Variants in NAP1L1 observed in about 807,000 individuals in gnomAD.
The protein encoded by NAP1L1 is nucleosome assembly protein 1-like 1.
A neutral mutation model predicts 58.9 loss-of-function variants in NAP1L1; 9 were observed. The ratio of observed to expected loss-of-function variants is 0.15; its 90% CI spans 0.09 to 0.27. NAP1L1 has a LOEUF of 0.27. Ranked by LOEUF, NAP1L1 falls within the 10% of genes least tolerant of loss-of-function variation. The pLI, the probability that NAP1L1 is intolerant of heterozygous loss-of-function variation, is 1.00. For missense variants in NAP1L1, 302 were observed against 458.8 expected, an observed-to-expected ratio of 0.66 and a Z score of 3.12; for synonymous variants, 130 against 138.3, an observed-to-expected ratio of 0.94 and a Z score of 0.42.
intron 1 of NAP1L1, among the ~76,000 whole-genome samples, chr12:76,080,674 T>C (rs1250476277): frequency 1.3e-5 from 2 of 152,204 alleles, no homozygotes; most frequent in African/African-American, 2.4e-5. Flanking sequence ...ATAACTGCTA[T>C]ACAGCTTTTC....
At chr12:76,057,267 G>A (rs1427807995) in intron 6 of NAP1L1, 7 of 295,018 alleles carry the variant, frequency 2.4e-5, no homozygotes, top group Admixed American at 8.8e-5. Context: ...TCCAGCCTGG[G>A]CAACACAGCA....
chr12:76,069,233 T>C (rs1049219530), intron 2 of NAP1L1, among the ~76,000 whole-genome samples: 1 of 152,172 alleles, frequency 6.6e-6, no homozygotes, highest in Non-Finnish European at 1.5e-5. Context: ...CTTTATAAAA[T>C]TGGTTTTGCA....
chr12:76,071,956 C>T (rs1047450281), intron 2 of NAP1L1, among the ~76,000 whole-genome samples: 2 of 43,508 alleles, frequency 4.6e-5, no homozygotes, highest in African/African-American at 1.4e-4. Flanking sequence ...ATCTGACTAG[C>T]CCAGAAAAAA....
chr12:76,070,566 A>G (rs183451790), intron 2 of NAP1L1, among the ~76,000 whole-genome samples: 1 of 152,300 alleles, frequency 6.6e-6, no homozygotes, highest in Non-Finnish European at 1.5e-5. Flanking sequence ...CTGTCCACAA[A>G]CTATGCCCAT....
Position 76,041,310 on chromosome 12 carries a change from G to T in NAP1L1, c.*7119C>A, listed in dbSNP as rs943355253. ...TGGAAATTAGGAAACTCATTAATAA[G>T]CAAGTGTTTCTAGAGTATTTTGAAC... On this transcript the variant is annotated 3_prime_UTR_variant, in exon 15 of 15. Coordinates refer to ENST00000618691, the MANE Select transcript of NAP1L1 (RefSeq NM_004537.7). 2 of 152,162 alleles carry T rather than the reference G, an allele frequency of 1.3e-5. No homozygotes were observed. Among genetic ancestry groups the T allele is most frequent in the Non-Finnish European group, 2.9e-5 (2 of 68,054 alleles). The allele number at this position is 152,162 out of a possible 1,614,324, so 9.4% of individuals were successfully genotyped here.
At chr12:76,064,960 A>G (rs2137038199) in intron 4 of NAP1L1, among the ~76,000 whole-genome samples, 1 of 152,248 alleles carries the variant, frequency 6.6e-6, no homozygotes, top group East Asian at 1.9e-4. Flanking sequence ...TCCTTAGGCA[A>G]TTGAAATCTT....
chr12:76,062,049 C>A (rs1182433607), intron 4 of NAP1L1, among the ~76,000 whole-genome samples: 1 of 152,140 alleles, frequency 6.6e-6, no homozygotes, highest in South Asian at 2.1e-4. Flanking sequence ...GGTAGCAGTG[C>A]GGACAAACTG....
At chr12:76,074,070 G>C (rs937685518) in intron 2 of NAP1L1, 133 bp downstream of exon 2, 33 of 768,728 alleles carry the variant, frequency 4.3e-5, no homozygotes, top group Non-Finnish European at 6.9e-5. Context: ...CACTGCACTA[G>C]ACTTTTGTAA....
Position 76,037,657 on chromosome 12 carries a change from A to T in NAP1L1, c.*10772T>A, listed in dbSNP as rs1458870653. 6.6e-6 allele frequency: 1 copy of T among 152,236 alleles called. No homozygotes were observed. The highest frequency in any genetic ancestry group is 2.4e-5 in the African/African-American group (1 of 41,458). The allele number at this position is 152,236 out of a possible 1,614,324, so 9.4% of individuals were successfully genotyped here. A position where few individuals can be genotyped will look rare whatever the true frequency, so the allele number is the denominator to read the frequency against. ...TCAACCTTGAGCGAGTGCCAGTCAT[A>T]CATCTCCTTGTCCTCGCAGCCTCCA... On this transcript the variant is annotated 3_prime_UTR_variant, in exon 15 of 15. Transcript: ENST00000618691.
rs1355763625 is a variant in NAP1L1, at chr12:76,068,777, C to CACACACA, written c.103+131_103+132insTGTGTGT. 6.2e-6 allele frequency: 4 copies of CACACACA among 646,584 alleles called. No homozygotes were observed. The Admixed American group carries it at 9.7e-5, about 16-fold the overall frequency. The allele number at this position is 646,584 out of a possible 1,614,324, so 40.1% of individuals were successfully genotyped here. ...ACACACACACACACACACACACACA[C>CACACACA]ACTAGAAGTATGGACCAGTAGATAA... On this transcript the variant is annotated intron_variant, in intron 3 of 14. Transcript: ENST00000618691.
chr12:76,050,121 T>C (rs892831054), intron 12 of NAP1L1, among the ~76,000 whole-genome samples: 1 of 152,170 alleles, frequency 6.6e-6, no homozygotes, highest in Non-Finnish European at 1.5e-5. Flanking sequence ...GCAATAAACA[T>C]ATTCAAAACA....
chr12:76,075,259 T>C (rs547897757), intron 1 of NAP1L1, among the ~76,000 whole-genome samples: 96 of 152,230 alleles, frequency 6.3e-4, no homozygotes, highest in African/African-American at 2.2e-3. Context: ...GGAAGATCTT[T>C]TGAGCACAGG....
At chr12:76,069,207 G>A (rs1191630080) in intron 2 of NAP1L1, among the ~76,000 whole-genome samples, 2 of 152,202 alleles carry the variant, frequency 1.3e-5, no homozygotes, top group Non-Finnish European at 2.9e-5. Context: ...CAAATGTAAA[G>A]TTTATACTTT....
chr12:76,073,193 G>T (rs1950037149), intron 2 of NAP1L1, among the ~76,000 whole-genome samples: 1 of 151,904 alleles, frequency 6.6e-6, no homozygotes, highest in Non-Finnish European at 1.5e-5. Context: ...GCGTAAGAGT[G>T]GCCCAAATTC....
chr12:76,081,999 A>C (rs1222061417), intron 1 of NAP1L1, among the ~76,000 whole-genome samples: 1 of 152,206 alleles, frequency 6.6e-6, no homozygotes, highest in Non-Finnish European at 1.5e-5. Flanking sequence ...ATGACATAAG[A>C]TACATGTCCA....
intron 4 of NAP1L1, among the ~76,000 whole-genome samples, chr12:76,066,842 A>G (rs1271604933): frequency 6.6e-6 from 1 of 152,164 alleles, no homozygotes; most frequent in African/African-American, 2.4e-5. Flanking sequence ...ATGTACAAAG[A>G]TGTCTATAAC....
chr12:76,055,327 G>A (rs996366740), intron 7 of NAP1L1, among the ~76,000 whole-genome samples: 1 of 152,150 alleles, frequency 6.6e-6, no homozygotes, highest in African/African-American at 2.4e-5. Flanking sequence ...TTATTATATA[G>A]GTTGAAAAAT....
intron 11 of NAP1L1, among the ~76,000 whole-genome samples, chr12:76,050,895 TG>T (rs761651741): frequency 1.3e-5 from 2 of 151,316 alleles, no homozygotes; most frequent in African/African-American, 4.9e-5. Flanking sequence ...GGCACACGCC[TG>T]TAGTCTCAGC....
Position 76,072,062 on chromosome 12 carries a change from C to T in NAP1L1, c.17+2141G>A, listed in dbSNP as rs138356158. Among the ~76,000 whole-genome samples, 323 of 151,520 alleles carry T rather than the reference C, an allele frequency of 2.1e-3. 2 individuals are homozygous for T. Among genetic ancestry groups the T allele is most frequent in the Non-Finnish European group, 3.8e-3 (257 of 67,916 alleles). On this transcript the variant is annotated intron_variant, in intron 2 of 14. Coordinates refer to ENST00000618691, the MANE Select transcript of NAP1L1 (RefSeq NM_004537.7). ...AAATTAACAAGCCTCCCCACTCCAA[C>T]GCTCAAATTTTCCAATCAATTTTCT... is the stretch of plus-strand genomic sequence containing the variant.
Sources: gnomAD v4.1 joint callset for allele counts (sites outside exome capture counted in the v4.1 genomes callset) on GRCh38, gnomAD v4.1.1 for gene constraint, MANE v1.5 for transcripts, NCBI Gene and HGNC (gene_info 2026-07-23, HGNC 2026-07-21) for gene names.